JARID2: variants seen among roughly 807,000 people sequenced by gnomAD.
JARID2 encodes the protein protein Jumonji.
In JARID2, 21 loss-of-function variants were observed where a neutral mutation model predicts 125.6. That is an observed-to-expected ratio of 0.17 (90% CI 0.12 to 0.24). The LOEUF is 0.24. JARID2 is among the 10% of genes least tolerant of loss of function. The pLI, the probability that JARID2 is intolerant of heterozygous loss-of-function variation, is 1.00. For missense variants in JARID2, 1,303 were observed against 1,639.6 expected (o/e 0.79, Z 3.55); for synonymous variants, 736 against 661.6 (o/e 1.11, Z -1.73).
chr6:15,426,542 C>T lies in JARID2; in HGVS notation c.323+16177C>T, dbSNP rs546121639. ...CCACACTATGTAGGAGGTTACTATG[C>T]TTAAGTGTTGGCTCCCAAATCAGTC... On this transcript the variant is annotated intron_variant, in intron 3 of 17. Coordinates refer to ENST00000341776, the MANE Select transcript of JARID2 (RefSeq NM_004973.4). Among the ~76,000 whole-genome samples the T allele has an allele frequency of 2.6e-5, 4 of 152,308 alleles. No individual in the cohort carries two copies. The South Asian group carries it at 6.2e-4, about 24-fold the overall frequency.
chr6:15,328,628 TAGTA>T (rs1394187199), intron 1 of JARID2, among the ~76,000 whole-genome samples: 1 of 151,514 alleles, frequency 6.6e-6, no homozygotes, highest in African/African-American at 2.4e-5. Flanking sequence ...CAGTGTAATA[TAGTA>T]AGTGTTAAAG....
intron 1 of JARID2, among the ~76,000 whole-genome samples, chr6:15,288,830 G>GAA (rs1761098143): frequency 2.6e-5 from 4 of 152,212 alleles, no homozygotes; most frequent in Non-Finnish European, 5.9e-5. Context: ...GCCCTGTGGG[G>GAA]TTACAATGGT....
At chr6:15,307,314 C>T (rs1761866806) in intron 1 of JARID2, among the ~76,000 whole-genome samples, 3 of 152,018 alleles carry the variant, frequency 2.0e-5, no homozygotes, top group Admixed American at 2.0e-4. Context: ...CTCTGCACCC[C>T]CGGATTCAGG....
At chr6:15,280,167 C>T (rs1336955790) in intron 1 of JARID2, among the ~76,000 whole-genome samples, 1 of 152,104 alleles carries the variant, frequency 6.6e-6, no homozygotes, top group African/African-American at 2.4e-5. Flanking sequence ...GTAAAATAAA[C>T]ATGCTGTTGC....
intron 1 of JARID2, among the ~76,000 whole-genome samples, chr6:15,323,292 CCTTTT>C: frequency 6.6e-6 from 1 of 152,208 alleles, no homozygotes; most frequent in Non-Finnish European, 1.5e-5. Flanking sequence ...CTTGTTCTTT[CCTTTT>C]CTTTCTTACA....
At chr6:15,487,202 T>C in intron 5 of JARID2, 105 bp from the exon 6 acceptor site, 3 of 897,970 alleles carry the variant, frequency 3.3e-6, no homozygotes, top group Admixed American at 2.2e-5. Context: ...GGGATTACAG[T>C]TGGACATGAG....
At chr6:15,399,136 G>GTGC (rs1765326887) in intron 2 of JARID2, among the ~76,000 whole-genome samples, 3 of 152,294 alleles carry the variant, frequency 2.0e-5, no homozygotes, top group South Asian at 2.1e-4. Context: ...TAACAGGAAC[G>GTGC]TGCTGCACTG....
In JARID2 at chr6:15,496,846, A is replaced by C; in HGVS notation, c.1621A>C (p.Lys541Gln). Reference sequence around the variant, plus strand: ...CGTGCACAAGCCGCAGGACTCGGGCAAGGCCGAGAAGGGCGGCGGCAAGGC... The same window carrying C: ...CGTGCACAAGCCGCAGGACTCGGGCCAGGCCGAGAAGGGCGGCGGCAAGGC... ...ESVHKPQDSG[K>Q]AEKGGGKAGW... is the part of the protein sequence containing the mutation. The change falls in exon 7 of 18, where the codon AAG (lysine) becomes CAG (glutamine). Residue 541 changes from lysine (K) to glutamine (Q), a missense_variant. Around this residue, in one of 11 missense-constraint regions of JARID2, gnomAD observed 651 missense variants for 581.6 expected, o/e 1.12. Transcript: ENST00000341776. 2 of 1,601,456 alleles carry C rather than the reference A, an allele frequency of 1.2e-6. No individual in the cohort carries two copies. Among genetic ancestry groups the C allele is most frequent in the East Asian group, 4.5e-5 (2 of 44,636 alleles).
intron 1 of JARID2, among the ~76,000 whole-genome samples, chr6:15,305,919 A>G (rs991509090): frequency 6.6e-6 from 1 of 152,220 alleles, no homozygotes; most frequent in Non-Finnish European, 1.5e-5. Context: ...CCATTAATAC[A>G]TTATTCTGAA....
chr6:15,324,310 C>G (rs1332727415), intron 1 of JARID2: 1 of 151,584 alleles, frequency 6.6e-6, no homozygotes, highest in Non-Finnish European at 1.5e-5. Context: ...AGGATTATCT[C>G]TTGTGTTTCC....
intron 3 of JARID2, among the ~76,000 whole-genome samples, chr6:15,421,195 G>A (rs748101168): frequency 2.6e-5 from 4 of 152,238 alleles, no homozygotes; most frequent in East Asian, 1.9e-4. Flanking sequence ...TTTTCCATCC[G>A]TCAGGGATCA....
At chr6:15,410,157 A>G in intron 2 of JARID2, 67 bp from the exon 3 acceptor site, 1 of 1,440,448 alleles carries the variant, frequency 6.9e-7, no homozygotes, top group Non-Finnish European at 9.7e-7. Context: ...GTGTAGGGTT[A>G]ACTGTGGTAA....
At position 15,487,434 on chromosome 6, in the gene JARID2, A is replaced by G. The variant is rs181008467; in HGVS notation, c.798A>G (p.Ser266=). 2.5e-6 allele frequency: 4 copies of G among 1,614,256 alleles called. No homozygotes were observed. Among genetic ancestry groups the G allele is most frequent in the East Asian group, 4.5e-5 (2 of 44,888 alleles). ...CTGACAGCCGCCGGGAGCAGGCTTC[A>G]GCTAACCACCCCGCAGCGGCCCCCT... ...HRADSRREQA[S]ANHPAAAPST... Residue 266 remains serine, a synonymous_variant, in exon 6 of 18, where the codon TCA becomes TCG. Coordinates refer to ENST00000341776, the MANE Select transcript of JARID2 (RefSeq NM_004973.4).
chr6:15,342,630 A>G (rs971932706), intron 1 of JARID2, among the ~76,000 whole-genome samples: 8 of 152,170 alleles, frequency 5.3e-5, no homozygotes, highest in Non-Finnish European at 1.2e-4. Flanking sequence ...TTCAGAATAT[A>G]CACATTTTTA....
chr6:15,281,365 A>G (rs2127375947), intron 1 of JARID2, among the ~76,000 whole-genome samples: 1 of 152,378 alleles, frequency 6.6e-6, no homozygotes, highest in African/African-American at 2.4e-5. Context: ...GAGCAAAAGA[A>G]CGTGAATACA....
chr6:15,466,413 A>T (rs1479860125), intron 4 of JARID2, among the ~76,000 whole-genome samples: 1 of 152,256 alleles, frequency 6.6e-6, no homozygotes, highest in Non-Finnish European at 1.5e-5. Flanking sequence ...GAAATTAAGC[A>T]TGGATATTTT....
intron 1 of JARID2, among the ~76,000 whole-genome samples, chr6:15,337,949 C>T (rs929559682): frequency 6.6e-6 from 1 of 152,188 alleles, no homozygotes; most frequent in African/African-American, 2.4e-5. Context: ...GGCCAGGCAA[C>T]AGGCACAATG....
At chr6:15,403,911 TGG>T (rs1765541876) in intron 2 of JARID2, among the ~76,000 whole-genome samples, 1 of 151,998 alleles carries the variant, frequency 6.6e-6, no homozygotes, top group South Asian at 2.1e-4. Flanking sequence ...TAGTGATGGG[TGG>T]GGGTGTTTTT....
chr6:15,400,781 T>A, intron 2 of JARID2: 1 of 985,206 alleles, frequency 1.0e-6, no homozygotes, highest in South Asian at 4.7e-5. Context: ...TCGGCCCCAT[T>A]GCTGTTCTGG....
Sources: allele counts gnomAD v4.1 joint callset (sites outside exome capture counted in the v4.1 genomes callset), GRCh38; gene constraint gnomAD v4.1.1; regional missense constraint gnomAD v4.1.1; transcripts MANE v1.5; gene names NCBI Gene and HGNC (gene_info 2026-07-23, HGNC 2026-07-21).